The following SEC16A variants were observed in gnomAD, a reference collection of about 807,000 sequenced individuals.
The protein encoded by SEC16A is SEC16 homolog A, endoplasmic reticulum export factor.
In SEC16A, 110 loss-of-function variants were observed where a neutral mutation model predicts 221.9. That is an observed-to-expected ratio of 0.50 (90% CI 0.42 to 0.58). The LOEUF (loss-of-function observed/expected upper bound fraction) is 0.58. Ranked by LOEUF, SEC16A falls within the 20% of genes least tolerant of loss-of-function variation. The pLI is 0.00. For synonymous variants in SEC16A, 1,393 were observed against 1,257.7 expected (o/e 1.11, Z -2.28); for missense variants, 3,165 against 3,097.8 (o/e 1.02, Z -0.52).
chr9:136,473,922 G>C, intron 3 of SEC16A, 127 bp downstream of exon 3: 1 of 1,016,474 alleles, frequency 9.8e-7, no homozygotes, highest in South Asian at 1.7e-5. Context: ...CTGTTCTCAC[G>C]CCTGCGGGAC....
At position 136,467,054 on chromosome 9, in the gene SEC16A, T is replaced by C; in HGVS notation, c.3832A>G (p.Ser1278Gly). ...DPGHWDRYHY[S>G]ARVRDPRTYD... Reference sequence around the variant, plus strand: ...GTGCGGGGGTCCCTGACTCTAGCACTGTAGTGGTAACGATCCCAGTGACCT... The same window carrying C: ...GTGCGGGGGTCCCTGACTCTAGCACCGTAGTGGTAACGATCCCAGTGACCT... Residue 1278 changes from serine to glycine, a missense_variant, in exon 6 of 32, where the codon AGT becomes GGT. By Grantham distance (56) the Ser-to-Gly change is moderately conservative. Transcript: ENST00000684901. 1 of 1,613,858 alleles carries C rather than the reference T, an allele frequency of 6.2e-7. No homozygotes were observed.
chr9:136,455,438 G>A (rs1838496972), intron 20 of SEC16A, among the ~76,000 whole-genome samples, 163 bp downstream of exon 20: 1 of 152,164 alleles, frequency 6.6e-6, no homozygotes, highest in Non-Finnish European at 1.5e-5. Flanking sequence ...AAGGGAAGAG[G>A]GAGGAGACCG....
chr9:136,447,279 G>A lies in SEC16A; in HGVS notation c.6645C>T (p.Val2215=), dbSNP rs374154839. The A allele has an allele frequency of 4.5e-5, 72 of 1,598,388 alleles. No homozygotes were observed. The African/African-American group carries it at 7.9e-4, about 18-fold the overall frequency. ...GAATTGGGAGTGGCGCGAGTGGAGC[G>A]ACAAAGTCCGCAGGAGCGAGAGCCG... ...SEPALAPADF[V]APLAPLPIPS... Residue 2215 remains valine, a synonymous_variant, in exon 27 of 32, where the codon GTC becomes GTT. Transcript: ENST00000684901. The surrounding 1 kb of genome is among the most constrained non-coding windows in gnomAD (Gnocchi z 5.5).
At position 136,474,626 on chromosome 9, in the gene SEC16A, G is replaced by A. The variant is rs1261956148; in HGVS notation, c.2990C>T (p.Thr997Ile). 3.1e-6 allele frequency: 5 copies of A among 1,613,086 alleles called. No homozygotes were observed. The highest frequency in any genetic ancestry group is 4.2e-6 in the Non-Finnish European group (5 of 1,179,804). The change falls in exon 3 of 32, where the codon ACC becomes ATC. Residue 997 changes from threonine (T) to isoleucine (I), a missense_variant. Transcript: ENST00000684901. ...AGGATTTTCCAAAGTCCTGCTTAAG[G>A]TAAAGTCTAGGGCTCCGTAAGTGTC... ...QEDTYGALDF[T>I]LSRTLENPVN...
chr9:136,482,008 A>C (rs1481546334), intron 1 of SEC16A, among the ~76,000 whole-genome samples: 1 of 152,208 alleles, frequency 6.6e-6, no homozygotes, highest in East Asian at 1.9e-4. Flanking sequence ...AAGAAAAAAA[A>C]AGTGCCCACT....
chr9:136,459,520 A>G lies in SEC16A; in HGVS notation c.5227T>C (p.Tyr1743His), dbSNP rs759172576. 2.5e-6 allele frequency: 4 copies of G among 1,605,968 alleles called. No individual in the cohort carries two copies. Among genetic ancestry groups the G allele is most frequent in the Non-Finnish European group, 3.4e-6 (4 of 1,175,924 alleles). ...RGLLDAAHFC[Y>H]LMAQAGFGVY... Reference sequence around the variant, plus strand: ...CCAAATCCCGCCTGGGCCATGAGGTAGCAGAAGTGGGCCGCATCCAAGAGG... The same window carrying G: ...CCAAATCCCGCCTGGGCCATGAGGTGGCAGAAGTGGGCCGCATCCAAGAGG... Residue 1743 changes from tyrosine (Y) to histidine (H), a missense_variant, in exon 16 of 32, where the codon TAC (tyrosine) becomes CAC (histidine). By Grantham distance (83) the Tyr-to-His change is moderately conservative. Coordinates refer to ENST00000684901, the MANE Select transcript of SEC16A (RefSeq NM_014866.2). This position sits in a 1 kb window ranked among gnomAD's most constrained non-coding sequence, Gnocchi z 6.1.
At position 136,441,653 on chromosome 9, in the gene SEC16A, G is replaced by T; in HGVS notation, c.*102C>A. ...GTGCGACCAGCTCTGAGTCACTGCTGTGTCTCCCTGGGGGCGGGACGGAGA... is the reference window on the plus strand; with the variant it reads ...GTGCGACCAGCTCTGAGTCACTGCTTTGTCTCCCTGGGGGCGGGACGGAGA... On this transcript the variant is annotated 3_prime_UTR_variant, in exon 32 of 32. Coordinates refer to ENST00000684901, the MANE Select transcript of SEC16A (RefSeq NM_014866.2). 1.0e-6 allele frequency: 1 copy of T among 968,664 alleles called. No individual in the cohort carries two copies. Among genetic ancestry groups the T allele is most frequent in the Non-Finnish European group, 1.6e-6 (1 of 610,722 alleles). The allele number at this position is 968,664 out of a possible 1,614,324, so 60.0% of individuals were successfully genotyped here.
chr9:136,458,539 A>G (rs111328185), intron 17 of SEC16A, among the ~76,000 whole-genome samples: 7,840 of 151,686 alleles, frequency 0.052, 547 homozygotes, highest in African/African-American at 0.16. Flanking sequence ...GAGGAAGGAG[A>G]ATGGCGTGAA....
chr9:136,455,877 T>G (rs547247559), intron 19 of SEC16A, 84 bp from the exon 20 acceptor site: 2 of 1,387,778 alleles, frequency 1.4e-6, no homozygotes, highest in South Asian at 2.8e-5. Flanking sequence ...GCGCTTGCTG[T>G]GTCCCTACTT....
At chr9:136,461,036 G>C in intron 13 of SEC16A, 141 bp downstream of exon 13, 1 of 669,058 alleles carries the variant, frequency 1.5e-6, no homozygotes, top group South Asian at 1.7e-5. Context: ...GAAGCCTCGA[G>C]GCCAAGGAAG....
chr9:136,448,733 C>T lies in SEC16A; in HGVS notation c.6313-572G>A, dbSNP rs1588882752. The T allele has an allele frequency of 4.3e-6, 3 of 699,684 alleles. No homozygotes were observed. The East Asian group carries it at 8.2e-5, about 19-fold the overall frequency. The allele number at this position is 699,684 out of a possible 1,614,324, so 43.3% of individuals were successfully genotyped here. A position where few individuals can be genotyped will look rare whatever the true frequency, so the allele number is the denominator to read the frequency against. Reference sequence around the variant, plus strand: ...GTCGGGGGCAGATCCACAGAGACACCAGGAGGATGGAGGTGGGGGGCAGAT... The same window carrying T: ...GTCGGGGGCAGATCCACAGAGACACTAGGAGGATGGAGGTGGGGGGCAGAT... On this transcript the variant is annotated intron_variant, in intron 23 of 31. Coordinates refer to ENST00000684901, the MANE Select transcript of SEC16A (RefSeq NM_014866.2).
intron 1 of SEC16A, among the ~76,000 whole-genome samples, chr9:136,481,621 A>T (rs139387962): frequency 7.9e-5 from 12 of 152,332 alleles, no homozygotes; most frequent in Non-Finnish European, 1.2e-4. Context: ...GGCATTTAAA[A>T]TGCATGCACA....
chr9:136,474,428 G>A lies in SEC16A; in HGVS notation c.3188C>T (p.Pro1063Leu), dbSNP rs1414845746. The change falls in exon 3 of 32, where the codon CCA (proline) becomes CTA (leucine). Residue 1063 changes from proline to leucine, a missense_variant. Around this residue, in one of 3 missense-constraint regions of SEC16A, gnomAD observed 2,030 missense variants for 1,923.1 expected, o/e 1.06. Coordinates refer to ENST00000684901, the MANE Select transcript of SEC16A (RefSeq NM_014866.2). ...TGGGGGAGAAGCCTGTTGCTGGGGT[G>A]GCACCAGCTCCTGCTGGGCTCTTTC... The part of the protein sequence containing the change: ...GLERAQQELV[P>L]PQQQASPPQL... 20 of 1,612,950 alleles carry A rather than the reference G, an allele frequency of 1.2e-5. No homozygotes were observed. The highest frequency in any genetic ancestry group is 1.7e-5 in the Non-Finnish European group (20 of 1,179,910).
rs1420371935 is a variant in SEC16A, at chr9:136,474,254, C to A, written c.3362G>T (p.Ser1121Ile). 1.2e-6 allele frequency: 2 copies of A among 1,608,664 alleles called. No individual in the cohort carries two copies. Among genetic ancestry groups the A allele is most frequent in the Non-Finnish European group, 1.7e-6 (2 of 1,177,836 alleles). ...GGAGCCACTGGACACCAGAGACACG[C>A]TAGAGGACTGAGGAGGCCGAGGGGG... Reference protein sequence around the residue: ...QLPPRPPQSSSVSLVSSGSGQ... With the variant: ...QLPPRPPQSSIVSLVSSGSGQ... Residue 1121 changes from serine to isoleucine, a missense_variant, in exon 3 of 32, where the codon AGC becomes ATC. By Grantham distance (142) the Ser-to-Ile change is moderately radical. This residue lies in a region of SEC16A where 2,030 missense variants were observed against 1,923.1 expected (regional missense o/e 1.06). Transcript: ENST00000684901.
chr9:136,483,620 T>G (rs1842695054), upstream of SEC16A: 1 of 985,234 alleles, frequency 1.0e-6, no homozygotes, highest in African/African-American at 1.8e-5. Flanking sequence ...TTTTAAGATG[T>G]GAGAAGAGAT....
chr9:136,447,339 G>A lies in SEC16A; in HGVS notation c.6585C>T (p.Asp2195=), dbSNP rs1423584283. 5.6e-6 allele frequency: 9 copies of A among 1,598,574 alleles called. No individual in the cohort carries two copies. The highest frequency in any genetic ancestry group is 7.7e-6 in the Non-Finnish European group (9 of 1,173,370). ...RAAGTRARYV[D]VLNPSGTQRS... ...GCTGGGTCCCGCTTGGGTTCAGGAC[G>A]TCAACGTAGCGAGCTCTGGTTCCTG... The change falls in exon 27 of 32, where the codon GAC becomes GAT. Residue 2195 remains aspartate, a synonymous_variant. Coordinates refer to ENST00000684901, the MANE Select transcript of SEC16A (RefSeq NM_014866.2). This position sits in a 1 kb window ranked among gnomAD's most constrained non-coding sequence, Gnocchi z 5.5.
chr9:136,472,293 G>A (rs1840983528), intron 3 of SEC16A, among the ~76,000 whole-genome samples, 182 bp from the exon 4 acceptor site: 1 of 152,250 alleles, frequency 6.6e-6, no homozygotes, highest in Non-Finnish European at 1.5e-5. Flanking sequence ...GCAGGACTGA[G>A]CGTGGCCCTT....
rs1840227900 is a variant in SEC16A at position 136,466,843 on chromosome 9, G to A, written c.3929+114C>T. The stretch of plus-strand genomic sequence containing the variant: ...CAGACAGGGACCAAAACATCAGGCA[G>A]ATGCTCACCCAAACTACCACAGCTC... On this transcript the variant is annotated intron_variant, in intron 6 of 31. Coordinates refer to ENST00000684901, the MANE Select transcript of SEC16A (RefSeq NM_014866.2). This position sits in a 1 kb window ranked among gnomAD's most constrained non-coding sequence, Gnocchi z 5.5. The A allele has an allele frequency of 5.4e-6, 7 of 1,300,800 alleles. No individual in the cohort carries two copies. The African/African-American group carries it at 1.0e-4, about 19-fold the overall frequency. 80.6% of individuals were successfully genotyped at this position (1,300,800 alleles called of 1,614,324 possible).
chr9:136,463,097 T>A lies in SEC16A; in HGVS notation c.4683A>T (p.Leu1561Phe). Reference protein sequence around the residue: ...VVGTDIAELLLRDHRTVWLPG... With the variant: ...VVGTDIAELLFRDHRTVWLPG... ...GAAGCCACACTGTTCTGTGGTCTCG[T>A]AACAGAAGCTCCGCAATGTCGGTCC... is the stretch of plus-strand genomic sequence containing the variant. The change falls in exon 12 of 32, where the codon TTA becomes TTT. Residue 1561 changes from leucine to phenylalanine, a missense_variant. This residue lies in a region of SEC16A where 1,088 missense variants were observed against 1,089.6 expected (regional missense o/e 1.00). Transcript: ENST00000684901. 1 of 1,611,802 alleles carries A rather than the reference T, an allele frequency of 6.2e-7. No homozygotes were observed. Among genetic ancestry groups the A allele is most frequent in the Non-Finnish European group, 8.5e-7 (1 of 1,179,878 alleles).
Sources: allele counts gnomAD v4.1 joint callset (sites outside exome capture counted in the v4.1 genomes callset), GRCh38; gene constraint gnomAD v4.1.1; regional missense constraint gnomAD v4.1.1; non-coding constraint Gnocchi (gnomAD v3.1); transcripts MANE v1.5; gene names NCBI Gene and HGNC (gene_info 2026-07-23, HGNC 2026-07-21).